Variants in ABCB11 observed in about 807,000 individuals in gnomAD.
ABCB11 encodes bile salt export pump.
A neutral mutation model predicts 148.0 loss-of-function variants in ABCB11; 95 were observed. That is an observed-to-expected ratio of 0.64 (90% CI 0.54 to 0.76). The LOEUF (loss-of-function observed/expected upper bound fraction) is 0.76, where lower values mean the gene tolerates loss of function less well. Ranked by LOEUF, ABCB11 falls within the 30% of genes least tolerant of loss-of-function variation. The pLI is 0.00. For synonymous variants in ABCB11, 591 were observed against 555.4 expected (o/e 1.06, Z -0.90); for missense variants, 1,523 against 1,617.8 (o/e 0.94, Z 1.01).
At chr2:168,937,978 C>G (rs1276617214) in intron 21 of ABCB11, among the ~76,000 whole-genome samples, 3 of 152,170 alleles carry the variant, frequency 2.0e-5, no homozygotes, top group Non-Finnish European at 4.4e-5. Context: ...GTAGAAAATA[C>G]TTGGGTGAGG....
chr2:168,919,345 G>C (rs147660662), downstream of ABCB11, among the ~76,000 whole-genome samples: 1 of 151,806 alleles, frequency 6.6e-6, no homozygotes, highest in Non-Finnish European at 1.5e-5. Flanking sequence ...CTTCTATTAC[G>C]CATTGCTAAC....
intron 14 of ABCB11, among the ~76,000 whole-genome samples, chr2:168,971,600 T>C (rs187032818): frequency 6.6e-6 from 1 of 152,104 alleles, no homozygotes; most frequent in Admixed American, 6.6e-5. Flanking sequence ...TTGGTAGATG[T>C]TTAATATATT....
At chr2:169,015,145 A>T (rs1307448654) in intron 3 of ABCB11, among the ~76,000 whole-genome samples, 1 of 151,950 alleles carries the variant, frequency 6.6e-6, no homozygotes, top group Admixed American at 6.6e-5. Context: ...TTCCTTCCCC[A>T]TGCAGCCAAG....
chr2:169,002,495 G>C (rs10188208), intron 5 of ABCB11, among the ~76,000 whole-genome samples: 1 of 151,990 alleles, frequency 6.6e-6, no homozygotes, highest in African/African-American at 2.4e-5. Flanking sequence ...AGATATCTAC[G>C]CTCCCATGCA....
rs779856739 is a variant in ABCB11, at chr2:168,973,790, C to A, written c.1359G>T (p.Leu453=). The part of the protein sequence containing the change: ...MVIKPGEMTA[L]VGPSGAGKST... Reference sequence around the variant, plus strand: ...TTTTTCCAGCTCCACTGGGTCCTACCAGAGCTGTCATTTCCCCTGGTTTAA... The same window carrying A: ...TTTTTCCAGCTCCACTGGGTCCTACAAGAGCTGTCATTTCCCCTGGTTTAA... Residue 453 remains leucine (L), a synonymous_variant, in exon 13 of 28, where the codon CTG becomes CTT. Transcript: ENST00000650372. The A allele has an allele frequency of 6.2e-7, 1 of 1,612,138 alleles. No individual in the cohort carries two copies. The highest frequency in any genetic ancestry group is 8.5e-7 in the Non-Finnish European group (1 of 1,178,646).
intron 21 of ABCB11, among the ~76,000 whole-genome samples, chr2:168,940,429 C>T (rs952714175): frequency 6.6e-6 from 1 of 152,118 alleles, no homozygotes; most frequent in African/African-American, 2.4e-5. Flanking sequence ...CCTGCTACAA[C>T]ATTGCCTTAA....
intron 8 of ABCB11, among the ~76,000 whole-genome samples, chr2:168,993,175 T>A (rs1694596869): frequency 6.6e-6 from 1 of 152,026 alleles, no homozygotes; most frequent in Non-Finnish European, 1.5e-5. Context: ...ACAGTTGTGA[T>A]TGCAGAAATC....
chr2:169,009,250 AT>A (rs1289444903), intron 5 of ABCB11, among the ~76,000 whole-genome samples: 18 of 152,262 alleles, frequency 1.2e-4, no homozygotes, highest in Non-Finnish European at 1.5e-4. Flanking sequence ...AGGATTATAA[AT>A]CATGCTGCTA....
chr2:168,983,170 C>G (rs1215399334), intron 10 of ABCB11, among the ~76,000 whole-genome samples: 1 of 152,090 alleles, frequency 6.6e-6, no homozygotes, highest in Non-Finnish European at 1.5e-5. Context: ...TTCACTTTTC[C>G]CTCTGAACCA....
chr2:168,942,500 A>G (rs6709087), intron 21 of ABCB11, among the ~76,000 whole-genome samples: 29,356 of 60,424 alleles, frequency 0.49, 3,024 homozygotes, highest in Middle Eastern at 0.54. Context: ...AATTAAAACA[A>G]AGGGTGCAAA....
intron 19 of ABCB11, among the ~76,000 whole-genome samples, chr2:168,950,204 A>G (rs910395582): frequency 6.6e-6 from 1 of 151,230 alleles, no homozygotes; most frequent in African/African-American, 2.4e-5. Flanking sequence ...GCCTATAAAT[A>G]TGTATATATA....
intron 7 of ABCB11, 114 bp downstream of exon 7, chr2:168,995,235 A>C: frequency 8.2e-7 from 1 of 1,221,784 alleles, no homozygotes; most frequent in Non-Finnish European, 1.1e-6. Flanking sequence ...AGCCCAATTT[A>C]AGAGATGAAA....
chr2:168,916,680 A>T (rs141252158), downstream of ABCB11, among the ~76,000 whole-genome samples: 1 of 152,346 alleles, frequency 6.6e-6, no homozygotes, highest in East Asian at 1.9e-4. Context: ...CATGCAGGTG[A>T]GATCATTTAC....
intron 7 of ABCB11, among the ~76,000 whole-genome samples, chr2:168,995,066 C>T (rs1331305504): frequency 1.3e-5 from 2 of 151,946 alleles, no homozygotes; most frequent in Non-Finnish European, 2.9e-5. Flanking sequence ...TCCAGTTACA[C>T]CTGGACAGCT....
chr2:168,959,110 C>T (rs1692935460), intron 18 of ABCB11, among the ~76,000 whole-genome samples: 1 of 151,668 alleles, frequency 6.6e-6, no homozygotes, highest in Admixed American at 6.6e-5. Context: ...AAAATTTTCC[C>T]TTTGCTTACA....
At chr2:169,016,026 T>A (rs936014654) in intron 3 of ABCB11, among the ~76,000 whole-genome samples, 2 of 152,182 alleles carry the variant, frequency 1.3e-5, no homozygotes, top group Non-Finnish European at 2.9e-5. Context: ...TGCTGTGATC[T>A]TCTCATTCCA....
chr2:168,949,106 G>T (rs1477082231), intron 19 of ABCB11, among the ~76,000 whole-genome samples: 1 of 151,722 alleles, frequency 6.6e-6, no homozygotes, highest in African/African-American at 2.4e-5. Context: ...ACAGTTCTAG[G>T]TTTCCTTCCT....
chr2:169,005,111 T>A (rs1694981070), intron 5 of ABCB11, among the ~76,000 whole-genome samples: 1 of 152,044 alleles, frequency 6.6e-6, no homozygotes, highest in South Asian at 2.1e-4. Flanking sequence ...TTTAGTGTGT[T>A]GGTTTTATGT....
chr2:168,964,632 C>T (rs1419479989), intron 17 of ABCB11, among the ~76,000 whole-genome samples: 1 of 151,788 alleles, frequency 6.6e-6, no homozygotes, highest in Non-Finnish European at 1.5e-5. Flanking sequence ...ACTTTCCAAA[C>T]CCACATGGTT....
Sources: allele counts gnomAD v4.1 joint callset (sites outside exome capture counted in the v4.1 genomes callset), GRCh38; gene constraint gnomAD v4.1.1; transcripts MANE v1.5; gene names NCBI Gene and HGNC (gene_info 2026-07-23, HGNC 2026-07-21).